NAV2: variants seen among roughly 807,000 people sequenced by gnomAD.
NAV2 encodes helicase, APC down-regulated 1.
NAV2 carries 54 observed loss-of-function variants against 223.2 expected under a neutral mutation model. That is an observed-to-expected ratio of 0.24 (90% CI 0.19 to 0.30). The LOEUF is 0.30. Ranked by LOEUF, NAV2 falls within the 10% of genes least tolerant of loss-of-function variation. NAV2 has a pLI of 1.00. For synonymous variants in NAV2, 1,279 were observed against 1,239.3 expected (o/e 1.03, Z -0.67); for missense variants, 2,806 against 3,147.5 (o/e 0.89, Z 2.60).
At chr11:19,709,292 C>T (rs769346424), upstream of NAV2, among the ~76,000 whole-genome samples, 13 of 152,088 alleles carry the variant, frequency 8.5e-5, no homozygotes, top group Non-Finnish European at 1.9e-4. Context: ...CCTGTAATCC[C>T]AGCACTTTGG....
intron 10 of NAV2, among the ~76,000 whole-genome samples, chr11:19,979,358 G>T (rs1020056034): frequency 6.6e-6 from 1 of 152,140 alleles, no homozygotes; most frequent in Admixed American, 6.5e-5. Flanking sequence ...TGGCATCCAA[G>T]ATGTTCAAAA....
intron 3 of NAV2, among the ~76,000 whole-genome samples, chr11:19,866,476 A>G (rs2062100078): frequency 1.3e-5 from 2 of 152,262 alleles, no homozygotes; most frequent in African/African-American, 2.4e-5. Flanking sequence ...TAACTTATTT[A>G]TAATTATTCA....
At chr11:19,650,099 G>A (rs182600288) in intron 1 of NAV2, among the ~76,000 whole-genome samples, 327 of 152,296 alleles carry the variant, frequency 2.1e-3, no homozygotes, top group Middle Eastern at 6.8e-3. Flanking sequence ...ATATATTGAA[G>A]TCCTAACCTC....
chr11:19,809,889 C>T (rs1416168295), intron 1 of NAV2, among the ~76,000 whole-genome samples: 1 of 152,166 alleles, frequency 6.6e-6, no homozygotes, highest in Admixed American at 6.5e-5. Context: ...CATTTTTCAT[C>T]CCATCCTATC....
At chr11:19,455,654 G>A (rs1408642252) in intron 1 of NAV2, among the ~76,000 whole-genome samples, 1 of 152,170 alleles carries the variant, frequency 6.6e-6, no homozygotes, top group Non-Finnish European at 1.5e-5. Context: ...TACATGACAA[G>A]AGGTAAGTAA....
chr11:19,422,112 A>G (rs1850639690), intron 1 of NAV2, among the ~76,000 whole-genome samples: 1 of 152,224 alleles, frequency 6.6e-6, no homozygotes, highest in African/African-American at 2.4e-5. Context: ...GGTCACACAC[A>G]GAGGCAGATC....
At chr11:19,543,928 G>A (rs1469965169) in intron 1 of NAV2, among the ~76,000 whole-genome samples, 1 of 152,158 alleles carries the variant, frequency 6.6e-6, no homozygotes, top group Non-Finnish European at 1.5e-5. Context: ...GAATGTGAGT[G>A]TACTCTGTAG....
intron 8 of NAV2, among the ~76,000 whole-genome samples, chr11:19,940,221 G>A (rs1398932350): frequency 1.3e-5 from 2 of 151,368 alleles, no homozygotes; most frequent in Admixed American, 1.3e-4. Context: ...AATTGGGGGG[G>A]AAAATTGTAA....
chr11:20,096,175 T>A (rs909141186), intron 30 of NAV2, among the ~76,000 whole-genome samples: 2 of 152,218 alleles, frequency 1.3e-5, no homozygotes, highest in East Asian at 3.9e-4. Context: ...TTTGATCTGA[T>A]TTTCCCGGTA....
At chr11:20,071,411 C>A (rs1282396319) in intron 22 of NAV2, among the ~76,000 whole-genome samples, 4 of 152,104 alleles carry the variant, frequency 2.6e-5, no homozygotes, top group African/African-American at 9.7e-5. Context: ...AACAGTGCTG[C>A]AATAAACATA....
At chr11:19,889,186 G>A (rs948887471) in intron 5 of NAV2, among the ~76,000 whole-genome samples, 11 of 152,154 alleles carry the variant, frequency 7.2e-5, no homozygotes, top group Non-Finnish European at 1.5e-4. Context: ...AGATGTTTTG[G>A]TTCCCTCCTG....
intron 1 of NAV2, among the ~76,000 whole-genome samples, chr11:19,761,577 A>G (rs951923350): frequency 2.0e-5 from 3 of 152,178 alleles, no homozygotes; most frequent in African/African-American, 7.2e-5. Context: ...TGGCTTTTCA[A>G]TCAACACAAC....
chr11:20,089,110 A>G (rs1341964483), intron 26 of NAV2, among the ~76,000 whole-genome samples: 1 of 152,158 alleles, frequency 6.6e-6, no homozygotes, highest in African/African-American at 2.4e-5. Context: ...TTCTAAAGAC[A>G]TTTCTGTCTC....
intron 1 of NAV2, among the ~76,000 whole-genome samples, chr11:19,737,356 A>G (rs937599562): frequency 2.0e-5 from 3 of 152,244 alleles, no homozygotes; most frequent in African/African-American, 7.2e-5. Flanking sequence ...GGGGAGTTAC[A>G]GGGTGCACAA....
chr11:20,001,470 A>C (rs1006381636), intron 11 of NAV2, among the ~76,000 whole-genome samples: 6 of 152,112 alleles, frequency 3.9e-5, no homozygotes, highest in African/African-American at 1.4e-4. Context: ...AATGAACTCC[A>C]GTTTTAGATG....
intron 28 of NAV2, among the ~76,000 whole-genome samples, chr11:20,092,870 C>A (rs1181397442): frequency 6.6e-6 from 1 of 152,162 alleles, no homozygotes; most frequent in Non-Finnish European, 1.5e-5. Flanking sequence ...CTCTCCCTCG[C>A]ACTTCCATCC....
intron 11 of NAV2, among the ~76,000 whole-genome samples, chr11:20,020,892 C>T (rs551314474): frequency 7.9e-5 from 12 of 152,260 alleles, no homozygotes; most frequent in African/African-American, 2.2e-4. Context: ...TTTGGTTCAC[C>T]GCTCACTGCT....
intron 1 of NAV2, among the ~76,000 whole-genome samples, chr11:19,423,765 GGAGTTTCTTCTCACTGAGTCACCCAT>G (rs1241315629): frequency 6.6e-6 from 1 of 152,180 alleles, no homozygotes. Context: ...CTGACTGTCA[GGAGTTTCTTCTCACTGAGTCACCCAT>G]GAGTTGGTAG....
chr11:19,692,034 G>T (rs1454635605), intron 1 of NAV2, among the ~76,000 whole-genome samples: 1 of 152,208 alleles, frequency 6.6e-6, no homozygotes, highest in African/African-American at 2.4e-5. Flanking sequence ...GACCATGAGA[G>T]ACACAGTCTG....
Sources: allele counts gnomAD v4.1 joint callset (sites outside exome capture counted in the v4.1 genomes callset), GRCh38; gene constraint gnomAD v4.1.1; transcripts MANE v1.5; gene names NCBI Gene and HGNC (gene_info 2026-07-23, HGNC 2026-07-21).